Variants in PELO observed in about 807,000 individuals in gnomAD.
PELO encodes protein pelota homolog.
Under a neutral mutation model 25.9 loss-of-function variants are expected in PELO, and 19 were observed. The observed-to-expected ratio is 0.73, with a 90% CI of 0.51 to 1.08. The LOEUF (loss-of-function observed/expected upper bound fraction) is 1.08, where lower values mean the gene tolerates loss of function less well. Ranked by LOEUF, PELO falls within the 50% of genes least tolerant of loss-of-function variation. The probability of loss-of-function intolerance (pLI) is 0.00; values close to 1 mark genes in which losing one functional copy is unlikely to be tolerated. For missense variants in PELO, 498 were observed against 491.4 expected (o/e 1.01, Z -0.13); for synonymous variants, 196 against 192.2 (o/e 1.02, Z -0.16).
rs1365172433 is a variant in PELO at position 52,802,582 on chromosome 5, A to G, written c.*742A>G. ...TTGAGGCATCTTTATTTTTAAAATG[A>G]GATTAAAGTATGTGATTTGCTTGTT... On this transcript the variant is annotated 3_prime_UTR_variant, in exon 3 of 3. Transcript: ENST00000274311. 2 of 152,188 alleles carry G rather than the reference A, an allele frequency of 1.3e-5. No individual in the cohort carries two copies. Among genetic ancestry groups the G allele is most frequent in the Non-Finnish European group, 2.9e-5 (2 of 68,036 alleles). The allele number at this position is 152,188 out of a possible 1,614,324, so 9.4% of individuals were successfully genotyped here.
chr5:52,794,533 A>ACACT, intron 1 of PELO, among the ~76,000 whole-genome samples: 1 of 150,828 alleles, frequency 6.6e-6, no homozygotes, highest in East Asian at 1.9e-4. Context: ...ACACACACAC[A>ACACT]CACTTCTGTT....
intron 1 of PELO, among the ~76,000 whole-genome samples, chr5:52,797,036 T>C (rs1050535094): frequency 6.6e-6 from 1 of 152,034 alleles, no homozygotes; most frequent in South Asian, 2.1e-4. Context: ...CCAGTGCAAA[T>C]TGGGATTGTA....
At position 52,803,835 on chromosome 5, in the gene PELO, A is replaced by G. The variant is rs1748538418; in HGVS notation, c.*1995A>G. The G allele has an allele frequency of 6.6e-6, 1 of 152,204 alleles. No individual in the cohort carries two copies. The highest frequency in any genetic ancestry group is 6.5e-5 in the Admixed American group (1 of 15,278). 9.4% of individuals were successfully genotyped at this position (152,204 alleles called of 1,614,324 possible). ...CAACATCTCTAGATGATTCCTGTGCATAATAAAATCTGATAAACAAAGGCA... is the reference window on the plus strand; with the variant it reads ...CAACATCTCTAGATGATTCCTGTGCGTAATAAAATCTGATAAACAAAGGCA... On this transcript the variant is annotated 3_prime_UTR_variant, in exon 3 of 3. Coordinates refer to ENST00000274311, the MANE Select transcript of PELO (RefSeq NM_015946.5).
chr5:52,802,603 T>C lies in PELO; in HGVS notation c.*763T>C, dbSNP rs1748512108. 1 of 152,224 alleles carries C rather than the reference T, an allele frequency of 6.6e-6. No individual in the cohort carries two copies. The highest frequency in any genetic ancestry group is 2.4e-5 in the African/African-American group (1 of 41,458). The allele number at this position is 152,224 out of a possible 1,614,324, so 9.4% of individuals were successfully genotyped here. A position where few individuals can be genotyped will look rare whatever the true frequency, so the allele number is the denominator to read the frequency against. On this transcript the variant is annotated 3_prime_UTR_variant, in exon 3 of 3. Coordinates refer to ENST00000274311, the MANE Select transcript of PELO (RefSeq NM_015946.5). ...AATGAGATTAAAGTATGTGATTTGC[T>C]TGTTATGTGGCTAATTAGTGGCAAA...
Position 52,800,333 on chromosome 5 carries a change from C to A in PELO, c.-62C>A. On this transcript the variant is annotated 5_prime_UTR_variant, in exon 2 of 3. Transcript: ENST00000274311. The stretch of plus-strand genomic sequence containing the variant: ...TGGCCTGCATTCCCATCCCCTCTCC[C>A]GGGGCGGAGGTGAGGACCTCCTTGG... 6.3e-7 allele frequency: 1 copy of A among 1,589,282 alleles called. No individual in the cohort carries two copies.
chr5:52,801,440 T>G lies in PELO; in HGVS notation c.758T>G (p.Leu253Arg), dbSNP rs755238457. Residue 253 changes from leucine (L) to arginine (R), a missense_variant, in exon 3 of 3, where the codon CTG becomes CGG. Coordinates refer to ENST00000274311, the MANE Select transcript of PELO (RefSeq NM_015946.5). Reference protein sequence around the residue: ...VHASSGHKYSLKEALCDPTVA... With the variant: ...VHASSGHKYSRKEALCDPTVA... The stretch of plus-strand genomic sequence containing the variant: ...GCCTCCTCCGGACACAAGTACTCCC[T>G]GAAAGAGGCCCTTTGTGACCCTACT... 1.2e-6 allele frequency: 2 copies of G among 1,614,048 alleles called. No homozygotes were observed. The highest frequency in any genetic ancestry group is 1.7e-6 in the Non-Finnish European group (2 of 1,179,906).
Position 52,801,601 on chromosome 5 carries a change from G to A in PELO, c.919G>A (p.Ala307Thr). 3.1e-6 allele frequency: 5 copies of A among 1,614,082 alleles called. No individual in the cohort carries two copies. Among genetic ancestry groups the A allele is most frequent in the Non-Finnish European group, 4.2e-6 (5 of 1,179,940 alleles). The change falls in exon 3 of 3, where the codon GCA becomes ACA. Residue 307 changes from alanine to threonine, a missense_variant. By Grantham distance (58) the Ala-to-Thr change is moderately conservative (BLOSUM62 0). Transcript: ENST00000274311. ...KQVEKANEAM[A>T]IDTLLISDEL... Reference sequence around the variant, plus strand: ...GGTGGAGAAGGCCAATGAAGCCATGGCAATTGACACATTGCTCATCAGCGA... The same window carrying A: ...GGTGGAGAAGGCCAATGAAGCCATGACAATTGACACATTGCTCATCAGCGA...
In PELO at chr5:52,800,827, G is replaced by A. The variant is rs750569887; in HGVS notation, c.433G>A (p.Gly145Ser). The A allele has an allele frequency of 6.2e-7, 1 of 1,610,244 alleles. No homozygotes were observed. The highest frequency in any genetic ancestry group is 8.5e-7 in the Non-Finnish European group (1 of 1,177,524). ...TGTGGCGGCTGTGGTCATGCAGGAA[G>A]GCCTCGCCCATATCTGCTTAGTCAC... ...ADVAAVVMQE[G>S]LAHICLVTPS... The change falls in exon 2 of 3, where the codon GGC becomes AGC. Residue 145 changes from glycine to serine, a missense_variant. By Grantham distance (56) the Gly-to-Ser change is moderately conservative. Transcript: ENST00000274311.
chr5:52,788,444 CCTG>C (rs1445340969), intron 1 of PELO, 30 bp downstream of exon 1: 1 of 1,470,152 alleles, frequency 6.8e-7, no homozygotes, highest in South Asian at 1.3e-5. Flanking sequence ...CTGAGCATCT[CCTG>C]CTCGCGGGCT....
At chr5:52,788,531 G>C (rs10067659) in intron 1 of PELO, 117 bp downstream of exon 1, 647,336 of 848,652 alleles carry the variant, frequency 0.76, 249,056 homozygotes, top group Non-Finnish European at 0.79. Flanking sequence ...ATCCACTTTC[G>C]GGCATTCCAG....
chr5:52,793,296 T>G (rs1748276909), intron 1 of PELO, among the ~76,000 whole-genome samples: 1 of 152,102 alleles, frequency 6.6e-6, no homozygotes, highest in Admixed American at 6.5e-5. Context: ...AATTGACTAT[T>G]GACAAACTCA....
At chr5:52,794,669 A>G (rs752216208) in intron 1 of PELO, among the ~76,000 whole-genome samples, 9 of 151,720 alleles carry the variant, frequency 5.9e-5, no homozygotes, top group Non-Finnish European at 1.3e-4. Context: ...AAAACAAATA[A>G]AACAAACAAA....
At chr5:52,796,752 T>A (rs2111652280) in intron 1 of PELO, among the ~76,000 whole-genome samples, 1 of 152,184 alleles carries the variant, frequency 6.6e-6, no homozygotes, top group East Asian at 1.9e-4. Flanking sequence ...TAAAGATAAA[T>A]CCTTCCAGAG....
In PELO at chr5:52,800,114, T is replaced by TG. The variant is rs1748430148; in HGVS notation, c.-280dup. On this transcript the variant is annotated 5_prime_UTR_variant, in exon 2 of 3. The change abolishes the stop of an existing upstream ORF in the 5' untranslated region. Transcript: ENST00000274311. ...CGCCTTCATTTCGTCAGCCCGCTGT[T>TG]GCGTGCTGCCAGCGGGAACTGTGTA... 1 of 399,850 alleles carries TG rather than the reference T, an allele frequency of 2.5e-6. No homozygotes were observed. Among genetic ancestry groups the TG allele is most frequent in the South Asian group, 3.0e-5 (1 of 33,076 alleles). 24.8% of individuals were successfully genotyped at this position (399,850 alleles called of 1,614,324 possible). A position where few individuals can be genotyped will look rare whatever the true frequency, so the allele number is the denominator to read the frequency against.
chr5:52,788,109 A>G lies in PELO; in HGVS notation c.-816A>G, dbSNP rs1032127352. The stretch of plus-strand genomic sequence containing the variant: ...GCTGCCAGTGAGATTTCAGAGACCA[A>G]GAGCGCGAAGGGGCGGGCGATGTGG... On this transcript the variant is annotated 5_prime_UTR_variant, in exon 1 of 3. Coordinates refer to ENST00000274311, the MANE Select transcript of PELO (RefSeq NM_015946.5). 2.3e-6 allele frequency: 1 copy of G among 427,748 alleles called. No individual in the cohort carries two copies. The highest frequency in any genetic ancestry group is 4.2e-6 in the Non-Finnish European group (1 of 240,120). The allele number at this position is 427,748 out of a possible 1,614,324, so 26.5% of individuals were successfully genotyped here.
At chr5:52,794,918 T>C (rs1165277648) in intron 1 of PELO, among the ~76,000 whole-genome samples, 2 of 152,014 alleles carry the variant, frequency 1.3e-5, no homozygotes, top group African/African-American at 4.8e-5. Context: ...CATTATGTGT[T>C]ATTCTAAAAT....
intron 1 of PELO, among the ~76,000 whole-genome samples, chr5:52,795,630 C>T (rs760942747): frequency 2.0e-5 from 3 of 152,034 alleles, no homozygotes; most frequent in Non-Finnish European, 4.4e-5. Flanking sequence ...CATCAGTCAA[C>T]TCTACCAAAC....
In PELO at chr5:52,801,646, G is replaced by A. The variant is rs1041914248; in HGVS notation, c.964G>A (p.Asp322Asn). 1.9e-6 allele frequency: 3 copies of A among 1,614,028 alleles called. No individual in the cohort carries two copies. The highest frequency in any genetic ancestry group is 2.5e-6 in the Non-Finnish European group (3 of 1,180,002). Reference sequence around the variant, plus strand: ...CAGCGATGAGCTCTTCAGGCATCAGGATGTAGCCACACGGAGCCGGTATGT... The same window carrying A: ...CAGCGATGAGCTCTTCAGGCATCAGAATGTAGCCACACGGAGCCGGTATGT... ...LISDELFRHQ[D>N]VATRSRYVRL... The change falls in exon 3 of 3, where the codon GAT becomes AAT. Residue 322 changes from aspartate (D) to asparagine (N), a missense_variant. Coordinates refer to ENST00000274311, the MANE Select transcript of PELO (RefSeq NM_015946.5).
At chr5:52,788,551 C>A in intron 1 of PELO, 137 bp downstream of exon 1, 1 of 654,564 alleles carries the variant, frequency 1.5e-6, no homozygotes, top group Non-Finnish European at 2.4e-6. Context: ...GGTACTCAGG[C>A]CAGGCTACGG....
Sources: gnomAD v4.1 joint callset for allele counts (sites outside exome capture counted in the v4.1 genomes callset) on GRCh38, gnomAD v4.1.1 for gene constraint, MANE v1.5 for transcripts, NCBI Gene and HGNC (gene_info 2026-07-23, HGNC 2026-07-21) for gene names.